Variants in EGFLAM observed in about 807,000 individuals in gnomAD.
EGFLAM encodes pikachurin.
In EGFLAM, 79 loss-of-function variants were observed where a neutral mutation model predicts 113.1. The observed-to-expected ratio is 0.70, with a 90% CI of 0.58 to 0.84. The LOEUF (loss-of-function observed/expected upper bound fraction) is 0.84. EGFLAM is among the 40% of genes least tolerant of loss of function. The probability of loss-of-function intolerance (pLI) is 0.00; values close to 1 mark genes in which losing one functional copy is unlikely to be tolerated. For synonymous variants in EGFLAM, 504 were observed against 487.6 expected (o/e 1.03, Z -0.44); for missense variants, 1,265 against 1,291.6 (o/e 0.98, Z 0.32).
rs774301135 is a variant in EGFLAM, at chr5:38,451,451, G to A, written c.2680G>A (p.Val894Met). The part of the protein sequence containing the change: ...ISLGLRDGAL[V>M]FSYNLGSGVA... ...CTTGGGCCTTCGGGATGGAGCCCTCGTGTTCAGGTAACCCCCTCTCCATCT... is the reference window on the plus strand; with the variant it reads ...CTTGGGCCTTCGGGATGGAGCCCTCATGTTCAGGTAACCCCCTCTCCATCT... The change falls in exon 19 of 22, where the codon GTG becomes ATG. Residue 894 changes from valine to methionine, a missense_variant. Val to Met is a conservative substitution (Grantham distance 21). Transcript: ENST00000322350. 2.1e-5 allele frequency: 34 copies of A among 1,614,008 alleles called. No individual in the cohort carries two copies. The highest frequency in any genetic ancestry group is 2.0e-4 in the East Asian group (9 of 44,880).
chr5:38,442,594 A>C (rs1454542537), intron 17 of EGFLAM, among the ~76,000 whole-genome samples: 2 of 152,130 alleles, frequency 1.3e-5, no homozygotes, highest in African/African-American at 4.8e-5. Context: ...GAAACATGCA[A>C]ACATACACAT....
intron 1 of EGFLAM, among the ~76,000 whole-genome samples, chr5:38,320,339 G>A (rs1738707453): frequency 6.6e-6 from 1 of 152,156 alleles, no homozygotes; most frequent in African/African-American, 2.4e-5. Flanking sequence ...TTAGAAACAG[G>A]GTGGGGTCCA....
chr5:38,262,174 C>T (rs1207699468), intron 1 of EGFLAM, among the ~76,000 whole-genome samples: 1 of 152,196 alleles, frequency 6.6e-6, no homozygotes, highest in Non-Finnish European at 1.5e-5. Context: ...TGGTCTCTAG[C>T]CTAGTGCTGG....
intron 6 of EGFLAM, chr5:38,403,998 T>C (rs930146600): frequency 1.4e-5 from 23 of 1,598,412 alleles, no homozygotes; most frequent in Non-Finnish European, 1.9e-5. Context: ...CTCCCCTTTG[T>C]TATCCCACCT....
At chr5:38,324,204 A>T (rs1738815305) in intron 1 of EGFLAM, among the ~76,000 whole-genome samples, 1 of 152,128 alleles carries the variant, frequency 6.6e-6, no homozygotes, top group Non-Finnish European at 1.5e-5. Context: ...TGCTCATTGC[A>T]GTTGGGACTA....
intron 6 of EGFLAM, among the ~76,000 whole-genome samples, chr5:38,393,813 G>A (rs567851130): frequency 3.3e-5 from 5 of 152,366 alleles, no homozygotes; most frequent in Middle Eastern, 3.4e-3. Flanking sequence ...TCCAGGGACA[G>A]CCAATAGCCA....
chr5:38,297,995 C>G (rs1435844838), intron 1 of EGFLAM, among the ~76,000 whole-genome samples: 1 of 152,128 alleles, frequency 6.6e-6, no homozygotes, highest in East Asian at 1.9e-4. Context: ...GTCCTTGAGC[C>G]AAAATTCACA....
intron 1 of EGFLAM, among the ~76,000 whole-genome samples, chr5:38,260,606 TTAAA>T (rs1198785285): frequency 6.6e-6 from 1 of 152,220 alleles, no homozygotes; most frequent in African/African-American, 2.4e-5. Context: ...ACACCACCTC[TTAAA>T]TACTTTGGCA....
At chr5:38,302,497 G>T (rs1758606827) in intron 1 of EGFLAM, among the ~76,000 whole-genome samples, 1 of 152,064 alleles carries the variant, frequency 6.6e-6, no homozygotes, top group African/African-American at 2.4e-5. Flanking sequence ...AGAATTCAAA[G>T]ATAGAATAAA....
At chr5:38,460,113 AG>A (rs1312681619) in intron 20 of EGFLAM, among the ~76,000 whole-genome samples, 9 of 152,226 alleles carry the variant, frequency 5.9e-5, no homozygotes, top group Non-Finnish European at 1.0e-4. Context: ...AGACATCCAA[AG>A]GAATATGAAA....
At chr5:38,387,115 C>T (rs2589766) in intron 6 of EGFLAM, among the ~76,000 whole-genome samples, 46,980 of 151,930 alleles carry the variant, frequency 0.31, 8,137 homozygotes, top group African/African-American at 0.47. Context: ...GTTTTCTGGG[C>T]TGAGTGTGGA....
At chr5:38,265,332 T>C (rs548293853) in intron 1 of EGFLAM, among the ~76,000 whole-genome samples, 1 of 152,280 alleles carries the variant, frequency 6.6e-6, no homozygotes, top group South Asian at 2.1e-4. Context: ...CCCAGGGCTA[T>C]CCTGTGGCTA....
intron 3 of EGFLAM, among the ~76,000 whole-genome samples, chr5:38,348,800 A>G (rs1739541405): frequency 6.6e-6 from 1 of 151,958 alleles, no homozygotes; most frequent in Non-Finnish European, 1.5e-5. Flanking sequence ...ATCTAGGGGG[A>G]TCAGGACAAT....
intron 21 of EGFLAM, 102 bp downstream of exon 21, chr5:38,463,113 C>G: frequency 8.9e-7 from 1 of 1,127,814 alleles, no homozygotes; most frequent in Non-Finnish European, 1.3e-6. Context: ...GATCAAATAC[C>G]TGTAAATCAG....
At position 38,326,505 on chromosome 5, in the gene EGFLAM, GT is replaced by G. The variant is rs201518910; in HGVS notation, c.98-11004del. Among the ~76,000 whole-genome samples the G allele has an allele frequency of 1.1e-4, 16 of 147,372 alleles. No individual in the cohort carries two copies. In the East Asian group the frequency reaches 1.4e-3, roughly 13 times the overall value. On this transcript the variant is annotated intron_variant, in intron 1 of 21. Coordinates refer to ENST00000322350, the MANE Select transcript of EGFLAM (RefSeq NM_152403.4). ...CGTTTTACTGTGTCTGTTGATAAGG[GT>G]TTTTTTTTTTAAGACGGAGTCTCAC...
At chr5:38,373,872 C>T (rs1056279970) in intron 6 of EGFLAM, among the ~76,000 whole-genome samples, 19 of 152,110 alleles carry the variant, frequency 1.2e-4, no homozygotes, top group Non-Finnish European at 1.9e-4. Flanking sequence ...ATTTGCATTC[C>T]CATGAACAGC....
chr5:38,439,658 G>C (rs951244042), intron 17 of EGFLAM, among the ~76,000 whole-genome samples: 2 of 152,196 alleles, frequency 1.3e-5, no homozygotes, highest in African/African-American at 4.8e-5. Flanking sequence ...AATCTACATG[G>C]CAAATCTTCC....
intron 6 of EGFLAM, chr5:38,404,024 C>T (rs983473200): frequency 8.6e-5 from 134 of 1,555,486 alleles, no homozygotes; most frequent in African/African-American, 3.0e-4. Flanking sequence ...AAGAAGTGCC[C>T]GAACCCCTGA....
chr5:38,460,083 C>T (rs1012978979), intron 20 of EGFLAM, among the ~76,000 whole-genome samples: 1 of 152,216 alleles, frequency 6.6e-6, no homozygotes, highest in Non-Finnish European at 1.5e-5. Context: ...TCTTACCCAT[C>T]TTTAAAGGGG....
Sources: gnomAD v4.1 joint callset for allele counts (sites outside exome capture counted in the v4.1 genomes callset) on GRCh38, gnomAD v4.1.1 for gene constraint, MANE v1.5 for transcripts, NCBI Gene and HGNC (gene_info 2026-07-23, HGNC 2026-07-21) for gene names.